Variants in SLC4A5 observed in about 807,000 individuals in gnomAD.
The protein encoded by SLC4A5 is solute carrier family 4 member 5, also known as electrogenic sodium bicarbonate cotransporter 4.
In SLC4A5, 96 loss-of-function variants were observed where a neutral mutation model predicts 120.4. The ratio of observed to expected loss-of-function variants is 0.80; its 90% CI spans 0.68 to 0.94. The LOEUF (loss-of-function observed/expected upper bound fraction) is 0.94, where lower values mean the gene tolerates loss of function less well. Ranked by LOEUF, SLC4A5 falls within the 40% of genes least tolerant of loss-of-function variation. The probability of loss-of-function intolerance (pLI) is 0.00; values close to 1 mark genes in which losing one functional copy is unlikely to be tolerated. For synonymous variants in SLC4A5, 550 were observed against 571.1 expected, an observed-to-expected ratio of 0.96 and a Z score of 0.53; for missense variants, 1,259 against 1,459.5, an observed-to-expected ratio of 0.86 and a Z score of 2.24.
chr2:74,228,994 C>T (rs1314012343), intron 25 of SLC4A5, among the ~76,000 whole-genome samples: 1 of 152,012 alleles, frequency 6.6e-6, no homozygotes, highest in African/African-American at 2.4e-5. Context: ...GAGGCTGTTC[C>T]TCCTTGTGGT....
intron 2 of SLC4A5, among the ~76,000 whole-genome samples, chr2:74,341,802 T>C (rs1183208022): frequency 6.6e-6 from 1 of 152,194 alleles, no homozygotes; most frequent in African/African-American, 2.4e-5. Flanking sequence ...GCATGGATGG[T>C]AATTTTGTTT....
At chr2:74,250,309 T>C in intron 17 of SLC4A5, 34 bp downstream of exon 17, 1 of 1,596,568 alleles carries the variant, frequency 6.3e-7, no homozygotes, top group Non-Finnish European at 8.6e-7. Flanking sequence ...CGGCAGATCT[T>C]ACTTTTACAC....
At chr2:74,329,991 A>G (rs1227764224) in intron 4 of SLC4A5, among the ~76,000 whole-genome samples, 1 of 150,972 alleles carries the variant, frequency 6.6e-6, no homozygotes, top group Non-Finnish European at 1.5e-5. Context: ...AGATGGAGGT[A>G]TGAGGTATAC....
At chr2:74,306,597 T>C (rs547474210) in intron 6 of SLC4A5, 3 of 330,098 alleles carry the variant, frequency 9.1e-6, no homozygotes, top group South Asian at 3.4e-5. Flanking sequence ...CTCTTTCAAC[T>C]AGCAATATAC....
chr2:74,254,026 C>T (rs778705613), intron 14 of SLC4A5, among the ~76,000 whole-genome samples: 36 of 152,252 alleles, frequency 2.4e-4, no homozygotes, highest in East Asian at 3.9e-4. Flanking sequence ...TGAGACATTT[C>T]GTGGGGAAAA....
intron 30 of SLC4A5, among the ~76,000 whole-genome samples, chr2:74,219,715 A>G (rs1694564074): frequency 6.6e-6 from 1 of 152,132 alleles, no homozygotes; most frequent in African/African-American, 2.4e-5. Flanking sequence ...TAGTCAGTCA[A>G]TTTCATGTAG....
chr2:74,288,945 T>C (rs1672072727), intron 7 of SLC4A5, among the ~76,000 whole-genome samples: 2 of 152,366 alleles, frequency 1.3e-5, no homozygotes, highest in Non-Finnish European at 1.5e-5. Flanking sequence ...TCACAATTCA[T>C]GTCCAACTGG....
At chr2:74,260,364 G>A (rs756466422) in intron 11 of SLC4A5, among the ~76,000 whole-genome samples, 13 of 151,998 alleles carry the variant, frequency 8.6e-5, no homozygotes, top group Admixed American at 3.3e-4. Context: ...CCAGGGCCTT[G>A]TCTTTGCTCT....
chr2:74,269,369 CTGTT>C (rs1553455416), intron 8 of SLC4A5, among the ~76,000 whole-genome samples: 1 of 142,438 alleles, frequency 7.0e-6, no homozygotes, highest in Non-Finnish European at 1.5e-5. Context: ...CCAGGCCCGG[CTGTT>C]TGTTTTTTGT....
intron 27 of SLC4A5, among the ~76,000 whole-genome samples, chr2:74,225,302 T>A (rs997260786): frequency 2.0e-5 from 3 of 152,076 alleles, no homozygotes; most frequent in Non-Finnish European, 4.4e-5. Context: ...ATTCTTTAAA[T>A]TAGTGGTTCT....
In SLC4A5 at chr2:74,281,398, G is replaced by A. The variant is rs1671809586; in HGVS notation, c.401+4375C>T. 2.0e-5 allele frequency among the ~76,000 whole-genome samples: 3 copies of A among 152,194 alleles called. No homozygotes were observed. The South Asian group carries it at 6.2e-4, about 32-fold the overall frequency. ...CCCCTCCACTTGCAGTCAGGCAGAG[G>A]TGGGCATGAGAGAGGATAGAATTCT... is the stretch of plus-strand genomic sequence containing the variant. On this transcript the variant is annotated intron_variant, in intron 8 of 30. Transcript: ENST00000394019.
chr2:74,237,848 T>C (rs1026704366), intron 21 of SLC4A5, among the ~76,000 whole-genome samples: 2 of 152,144 alleles, frequency 1.3e-5, no homozygotes, highest in African/African-American at 4.8e-5. Flanking sequence ...ACACCTGTAA[T>C]CCCAGCACTT....
chr2:74,341,176 G>A (rs750179825), intron 2 of SLC4A5, among the ~76,000 whole-genome samples: 28 of 151,944 alleles, frequency 1.8e-4, no homozygotes, highest in Admixed American at 3.3e-4. Context: ...GTGGTGGTGG[G>A]TGCCTACAAC....
intron 11 of SLC4A5, among the ~76,000 whole-genome samples, chr2:74,261,332 G>T (rs1217593882): frequency 2.0e-5 from 3 of 152,188 alleles, no homozygotes; most frequent in African/African-American, 4.8e-5. Context: ...CAAAGCTGGG[G>T]AGACTAAGAG....
At chr2:74,308,483 G>A (rs115043885) in intron 6 of SLC4A5, among the ~76,000 whole-genome samples, 1 of 152,132 alleles carries the variant, frequency 6.6e-6, no homozygotes, top group Non-Finnish European at 1.5e-5. Context: ...ATGACATTTA[G>A]AATCTTTTTA....
chr2:74,328,617 C>A (rs575962202), intron 4 of SLC4A5, among the ~76,000 whole-genome samples: 1 of 152,096 alleles, frequency 6.6e-6, no homozygotes, highest in African/African-American at 2.4e-5. Flanking sequence ...AAAATTGAGG[C>A]CCAGAGAGGG....
chr2:74,220,734 T>G (rs1203868392), intron 30 of SLC4A5, among the ~76,000 whole-genome samples: 1 of 150,944 alleles, frequency 6.6e-6, no homozygotes, highest in African/African-American at 2.5e-5. Flanking sequence ...GCCAGGATGG[T>G]CTCCATCTCC....
chr2:74,253,086 G>A (rs143800626), exon 15 of SLC4A5: 2 of 1,614,150 alleles, frequency 1.2e-6, no homozygotes, highest in Non-Finnish European at 1.7e-6. Context: ...CCTGCGATCA[G>A]ATCTTCCCGA....
At chr2:74,280,614 G>C (rs894646672) in intron 8 of SLC4A5, among the ~76,000 whole-genome samples, 2 of 152,104 alleles carry the variant, frequency 1.3e-5, no homozygotes, top group African/African-American at 4.8e-5. Context: ...TGGGTGGTGA[G>C]ACCAGAGGGC....
Sources: gnomAD v4.1 joint callset for allele counts (sites outside exome capture counted in the v4.1 genomes callset) on GRCh38, gnomAD v4.1.1 for gene constraint, MANE v1.5 for transcripts, NCBI Gene and HGNC (gene_info 2026-07-23, HGNC 2026-07-21) for gene names.